Variants in SAMD3 observed in about 807,000 individuals in gnomAD.
SAMD3 encodes sterile alpha motif domain-containing protein 3.
SAMD3 carries 63 observed loss-of-function variants against 58.5 expected under a neutral mutation model. That is an observed-to-expected ratio of 1.08 (90% CI 0.88 to 1.33). The LOEUF is 1.33. SAMD3 is among the 40% of genes most tolerant of loss of function. The pLI is 0.00. For missense variants in SAMD3, 604 were observed against 608.4 expected (o/e 0.99, Z 0.08); for synonymous variants, 220 against 210.3 (o/e 1.05, Z -0.40).
chr6:130,153,668 A>ATATATATATATATC (rs1789447209), intron 9 of SAMD3, among the ~76,000 whole-genome samples: 1 of 138,712 alleles, frequency 7.2e-6, no homozygotes, highest in African/African-American at 2.6e-5. Flanking sequence ...ATATATATTT[A>ATATATATATATATC]TTTATTTATT....
intron 2 of SAMD3, among the ~76,000 whole-genome samples, chr6:130,271,061 G>A (rs189507239): frequency 2.0e-5 from 3 of 151,464 alleles, no homozygotes; most frequent in African/African-American, 7.3e-5. Context: ...GCACTGTGGC[G>A]CCATCTTGGT....
intron 1 of SAMD3, among the ~76,000 whole-genome samples, chr6:130,222,483 G>C: frequency 6.6e-6 from 1 of 152,292 alleles, no homozygotes; most frequent in South Asian, 2.1e-4. Flanking sequence ...CAGATTTGTG[G>C]AAAGAATAAA....
intron 1 of SAMD3, among the ~76,000 whole-genome samples, chr6:130,345,632 C>T (rs1231544723): frequency 6.6e-6 from 1 of 151,498 alleles, no homozygotes; most frequent in African/African-American, 2.4e-5. Context: ...GCCTTTGAAT[C>T]CTCAGTACCT....
chr6:130,152,026 T>C (rs915245), intron 9 of SAMD3, among the ~76,000 whole-genome samples: 147,479 of 152,148 alleles, frequency 0.97, 71,634 homozygotes, highest in East Asian at 1. Flanking sequence ...TTTAAATGCC[T>C]TGTTGAAAGA....
intron 2 of SAMD3, among the ~76,000 whole-genome samples, chr6:130,299,215 C>T (rs1775667773): frequency 1.3e-5 from 2 of 152,060 alleles, no homozygotes; most frequent in African/African-American, 4.8e-5. Flanking sequence ...CTTGGTATTA[C>T]AGAGAATCTC....
chr6:130,325,249 C>T (rs1776718056), intron 1 of SAMD3, among the ~76,000 whole-genome samples: 1 of 152,050 alleles, frequency 6.6e-6, no homozygotes, highest in African/African-American at 2.4e-5. Flanking sequence ...TTATGGAGGC[C>T]AAGAGTCCCT....
chr6:130,152,220 A>C (rs549034137), intron 9 of SAMD3, among the ~76,000 whole-genome samples: 2 of 152,286 alleles, frequency 1.3e-5, no homozygotes, highest in African/African-American at 4.8e-5. Context: ...TGCAGGGACA[A>C]CTGTCCTCTT....
At chr6:130,238,035 A>T (rs996899859) in intron 2 of SAMD3, among the ~76,000 whole-genome samples, 2 of 152,318 alleles carry the variant, frequency 1.3e-5, no homozygotes, top group African/African-American at 2.4e-5. Flanking sequence ...AAAATAGGGG[A>T]TTAAAATAAA....
intron 1 of SAMD3, among the ~76,000 whole-genome samples, chr6:130,332,313 A>C (rs898135776): frequency 5.3e-5 from 8 of 152,236 alleles, no homozygotes; most frequent in African/African-American, 1.7e-4. Flanking sequence ...GTTCTGTTTT[A>C]GACATGTTAA....
At chr6:130,306,925 A>G (rs191026822) in intron 2 of SAMD3, among the ~76,000 whole-genome samples, 3 of 152,320 alleles carry the variant, frequency 2.0e-5, no homozygotes, top group Admixed American at 2.0e-4. Context: ...TAAAGTTTTA[A>G]CTACTACTTC....
chr6:130,274,779 G>T (rs983825345), intron 2 of SAMD3, among the ~76,000 whole-genome samples: 4 of 148,812 alleles, frequency 2.7e-5, no homozygotes, highest in Non-Finnish European at 5.9e-5. Flanking sequence ...TTTCTGTTGA[G>T]GAGGGGACAA....
chr6:130,156,849 A>G (rs1317846614), intron 8 of SAMD3, among the ~76,000 whole-genome samples: 1 of 152,092 alleles, frequency 6.6e-6, no homozygotes, highest in African/African-American at 2.4e-5. Context: ...CGGGTGGATC[A>G]CCTTAGGTCA....
chr6:130,319,175 G>A (rs1350276060), intron 1 of SAMD3, among the ~76,000 whole-genome samples: 3 of 152,036 alleles, frequency 2.0e-5, no homozygotes, highest in Non-Finnish European at 4.4e-5. Flanking sequence ...AACTAATACA[G>A]GAGAATTTGG....
intron 2 of SAMD3, among the ~76,000 whole-genome samples, chr6:130,257,519 AG>A (rs1773966563): frequency 6.6e-6 from 1 of 152,204 alleles, no homozygotes; most frequent in African/African-American, 2.4e-5. Flanking sequence ...AAAACCCATA[AG>A]TCAGGGACCT....
chr6:130,149,657 C>T (rs2114558411), intron 9 of SAMD3, among the ~76,000 whole-genome samples: 1 of 152,246 alleles, frequency 6.6e-6, no homozygotes, highest in African/African-American at 2.4e-5. Flanking sequence ...TGGGAGCTAA[C>T]CACTGAGTAC....
intron 2 of SAMD3, among the ~76,000 whole-genome samples, chr6:130,245,857 A>G (rs1368633688): frequency 6.6e-6 from 1 of 151,642 alleles, no homozygotes; most frequent in Non-Finnish European, 1.5e-5. Context: ...TTTTTTTTCT[A>G]TTTTGTGGCA....
rs147564833 is a variant in SAMD3, at chr6:130,250,804, G to A, written c.-187-27991C>T. 2.9e-3 allele frequency among the ~76,000 whole-genome samples: 436 copies of A among 152,172 alleles called. 1 individual carries two copies. The highest frequency in any genetic ancestry group is 8.8e-3 in the African/African-American group (366 of 41,530). On this transcript the variant is annotated intron_variant, in intron 2 of 13. Coordinates refer to the SAMD3 transcript ENST00000368134. ...TTCTATGACCACATAATATTCCATC[G>A]TATTAACATACCACATTTTGTTTAT... is the stretch of plus-strand genomic sequence containing the variant.
At chr6:130,197,719 A>G (rs1794273206) in intron 5 of SAMD3, among the ~76,000 whole-genome samples, 1 of 152,124 alleles carries the variant, frequency 6.6e-6, no homozygotes, top group African/African-American at 2.4e-5. Flanking sequence ...CCTGAGAAAC[A>G]TCGCCCATTA....
chr6:130,272,409 A>G (rs1478571), intron 2 of SAMD3, among the ~76,000 whole-genome samples: 47,289 of 152,040 alleles, frequency 0.31, 7,733 homozygotes, highest in East Asian at 0.47. Flanking sequence ...TAACTTATTT[A>G]TCTATTTATT....
Sources: allele counts gnomAD v4.1 joint callset (sites outside exome capture counted in the v4.1 genomes callset), GRCh38; gene constraint gnomAD v4.1.1; transcripts MANE v1.5; gene names NCBI Gene and HGNC (gene_info 2026-07-23, HGNC 2026-07-21).